FKBP5: variants seen among roughly 807,000 people sequenced by gnomAD.
FKBP5 encodes the protein FKBP prolyl isomerase 5, also known as peptidyl-prolyl cis-trans isomerase FKBP5.
FKBP5 carries 23 observed loss-of-function variants against 50.5 expected under a neutral mutation model. The observed-to-expected ratio is 0.46, with a 90% confidence interval of 0.33 to 0.65. The LOEUF is 0.65. Ranked by LOEUF, FKBP5 falls within the 30% of genes least tolerant of loss-of-function variation. The probability of loss-of-function intolerance (pLI) is 0.02; values close to 1 mark genes in which losing one functional copy is unlikely to be tolerated. For missense variants in FKBP5, 411 were observed against 553.1 expected, an observed-to-expected ratio of 0.74 and a Z score of 2.58; for synonymous variants, 176 against 190.6, an observed-to-expected ratio of 0.92 and a Z score of 0.63.
At chr6:35,650,723 G>A (rs753627237) in intron 1 of FKBP5, among the ~76,000 whole-genome samples, 18 of 152,108 alleles carry the variant, frequency 1.2e-4, no homozygotes, top group African/African-American at 2.7e-4. Flanking sequence ...TGACCCGCCC[G>A]CCTCAGCCTC....
intron 8 of FKBP5, chr6:35,582,045 T>A: frequency 1.0e-6 from 1 of 985,564 alleles, no homozygotes; most frequent in Non-Finnish European, 1.2e-6. Context: ...AAGGAAGCCC[T>A]GGTGTGGATT....
At chr6:35,612,494 G>A (rs1328131418) in intron 5 of FKBP5, among the ~76,000 whole-genome samples, 1 of 152,184 alleles carries the variant, frequency 6.6e-6, no homozygotes. Flanking sequence ...GAAATTAAGT[G>A]TCCACTAAAT....
At chr6:35,726,064 G>A (rs1356274107) in intron 1 of FKBP5, among the ~76,000 whole-genome samples, 1 of 152,214 alleles carries the variant, frequency 6.6e-6, no homozygotes, top group Non-Finnish European at 1.5e-5. Context: ...GGAATGTAGG[G>A]TGCAGACAGC....
chr6:35,695,866 C>T (rs897198683), intron 2 of FKBP5, among the ~76,000 whole-genome samples: 13 of 151,982 alleles, frequency 8.6e-5, no homozygotes, highest in East Asian at 3.9e-4. Context: ...GTCTTTAGGC[C>T]GGGCGTGGTG....
intron 1 of FKBP5, among the ~76,000 whole-genome samples, chr6:35,724,261 GTT>G (rs1766661992): frequency 6.6e-6 from 1 of 152,130 alleles, no homozygotes; most frequent in African/African-American, 2.4e-5. Context: ...CAACCAGGAA[GTT>G]TATTCCTGGG....
rs190639972 is a variant in FKBP5, at chr6:35,584,576, A to G, written c.840+2458T>C. 170 of 985,472 alleles carry G rather than the reference A, an allele frequency of 1.7e-4. No individual in the cohort carries two copies. In the African/African-American group the frequency reaches 2.9e-3, roughly 17 times the overall value. 61.0% of individuals were successfully genotyped at this position (985,472 alleles called of 1,614,324 possible). ...GAGTTGGGAAGGGAATATGTACAGG[A>G]AACTATCTACTAACCATTTTGAAGT... On this transcript the variant is annotated intron_variant, in intron 8 of 10. Transcript: ENST00000357266.
In FKBP5 at chr6:35,704,781, A is replaced by C. The variant is rs192409932; in HGVS notation, c.-20+15547T>G. 5.5e-3 allele frequency among the ~76,000 whole-genome samples: 831 copies of C among 152,204 alleles called. 7 individuals are homozygous for C. The highest frequency in any genetic ancestry group is 0.034 in the Middle Eastern group (10 of 294). On this transcript the variant is annotated intron_variant, in intron 2 of 11. Coordinates refer to the FKBP5 transcript ENST00000536438. ...AGTTAGCATGTAAAGACTGCTATGAAAATTCTGAAAAAGAATTATAGCCCT... is the reference window on the plus strand; with the variant it reads ...AGTTAGCATGTAAAGACTGCTATGACAATTCTGAAAAAGAATTATAGCCCT...
chr6:35,623,047 C>T (rs933162634), intron 3 of FKBP5, among the ~76,000 whole-genome samples: 3 of 151,874 alleles, frequency 2.0e-5, no homozygotes, highest in Non-Finnish European at 4.4e-5. Context: ...TCGAAACCAT[C>T]CTGGCTCACA....
At chr6:35,636,603 T>G (rs989980674) in intron 3 of FKBP5, among the ~76,000 whole-genome samples, 20 of 152,322 alleles carry the variant, frequency 1.3e-4, no homozygotes, top group African/African-American at 4.6e-4. Context: ...AACTAATAAT[T>G]TTTACTGCTT....
intron 1 of FKBP5, among the ~76,000 whole-genome samples, chr6:35,644,858 A>G (rs1764587012): frequency 6.6e-6 from 1 of 152,198 alleles, no homozygotes; most frequent in Admixed American, 6.5e-5. Flanking sequence ...CTGGGAAAAT[A>G]TATGCACACA....
intron 1 of FKBP5, among the ~76,000 whole-genome samples, chr6:35,645,812 G>C (rs1764614020): frequency 6.6e-6 from 1 of 152,154 alleles, no homozygotes; most frequent in African/African-American, 2.4e-5. Context: ...TGAAAATACT[G>C]TCAATGAAGA....
intron 3 of FKBP5, among the ~76,000 whole-genome samples, chr6:35,632,761 T>C (rs940433678): frequency 2.6e-5 from 4 of 151,890 alleles, no homozygotes; most frequent in African/African-American, 9.7e-5. Flanking sequence ...TGGTGGCGCA[T>C]GCCTGTAATC....
intron 2 of FKBP5, among the ~76,000 whole-genome samples, chr6:35,640,981 G>A (rs1378515883): frequency 1.3e-5 from 2 of 151,810 alleles, no homozygotes; most frequent in Non-Finnish European, 2.9e-5. Flanking sequence ...GCTGTTTTTT[G>A]TTTGTTCATT....
intron 2 of FKBP5, among the ~76,000 whole-genome samples, chr6:35,640,906 G>A (rs186513476): frequency 5.9e-5 from 9 of 152,252 alleles, no homozygotes; most frequent in Non-Finnish European, 8.8e-5. Context: ...TAACATGCAT[G>A]GAGCTGCTGT....
At chr6:35,690,601 C>T (rs1199421105), upstream of FKBP5, among the ~76,000 whole-genome samples, 1 of 152,096 alleles carries the variant, frequency 6.6e-6, no homozygotes, top group Admixed American at 6.6e-5. Context: ...TACCAGTTGC[C>T]GAGGGGAGTC....
At chr6:35,724,769 A>T (rs2151025728) in intron 1 of FKBP5, among the ~76,000 whole-genome samples, 1 of 152,052 alleles carries the variant, frequency 6.6e-6, no homozygotes, top group East Asian at 1.9e-4. Flanking sequence ...AAAAAAAAAA[A>T]AAAGGTGCTG....
At chr6:35,625,471 T>C (rs956296482) in intron 3 of FKBP5, among the ~76,000 whole-genome samples, 1 of 151,396 alleles carries the variant, frequency 6.6e-6, no homozygotes, top group South Asian at 2.1e-4. Flanking sequence ...GTGCAGTGGC[T>C]CACGCCTGTA....
At chr6:35,658,555 T>C (rs540701766) in intron 1 of FKBP5, among the ~76,000 whole-genome samples, 2 of 152,184 alleles carry the variant, frequency 1.3e-5, no homozygotes, top group Non-Finnish European at 2.9e-5. Flanking sequence ...GTTCCCTTAT[T>C]TTCCTAGTTT....
chr6:35,655,382 G>A (rs1764919496), intron 1 of FKBP5, among the ~76,000 whole-genome samples: 1 of 152,086 alleles, frequency 6.6e-6, no homozygotes, highest in African/African-American at 2.4e-5. Flanking sequence ...CCTATTATTT[G>A]TCTAGGTTTT....
Sources: allele counts gnomAD v4.1 joint callset (sites outside exome capture counted in the v4.1 genomes callset), GRCh38; gene constraint gnomAD v4.1.1; transcripts MANE v1.5; gene names NCBI Gene and HGNC (gene_info 2026-07-23, HGNC 2026-07-21).